Variants in HIF1A observed in about 807,000 individuals in gnomAD.
The protein encoded by HIF1A is hypoxia-inducible factor 1-alpha.
Under a neutral mutation model 92.7 loss-of-function variants are expected in HIF1A, and 24 were observed. The observed-to-expected ratio is 0.26, with a 90% CI of 0.19 to 0.36. HIF1A has a LOEUF of 0.36. HIF1A is among the 10% of genes least tolerant of loss of function. The pLI, the probability that HIF1A is intolerant of heterozygous loss-of-function variation, is 1.00. For synonymous variants in HIF1A, 319 were observed against 338.7 expected (o/e 0.94, Z 0.64); for missense variants, 799 against 998.5 (o/e 0.80, Z 2.69).
rs947079513 is a variant in HIF1A, at chr14:61,697,982, G to A, written c.35+2143G>A. Reference sequence around the variant, plus strand: ...ATGGTTATGATACTGTAGATTTAACGCAGGACATTTCATGTTGTTCCTAGT... The same window carrying A: ...ATGGTTATGATACTGTAGATTTAACACAGGACATTTCATGTTGTTCCTAGT... On this transcript the variant is annotated intron_variant, in intron 1 of 14. Coordinates refer to ENST00000337138, the MANE Select transcript of HIF1A (RefSeq NM_001530.4). 38 of 1,302,534 alleles carry A rather than the reference G, an allele frequency of 2.9e-5. No homozygotes were observed. The Admixed American group carries it at 6.5e-4, about 22-fold the overall frequency. 80.7% of individuals were successfully genotyped at this position (1,302,534 alleles called of 1,614,324 possible). A position where few individuals can be genotyped will look rare whatever the true frequency, so the allele number is the denominator to read the frequency against.
chr14:61,699,574 T>G, intron 1 of HIF1A, among the ~76,000 whole-genome samples: 1 of 152,106 alleles, frequency 6.6e-6, no homozygotes, highest in East Asian at 1.9e-4. Context: ...TGCCTTCTCT[T>G]AGTATATAAT....
intron 6 of HIF1A, among the ~76,000 whole-genome samples, chr14:61,731,308 TC>T (rs1234062761): frequency 6.6e-6 from 1 of 152,180 alleles, no homozygotes; most frequent in African/African-American, 2.4e-5. Flanking sequence ...GTATTTCTGT[TC>T]AGCATGGTAC....
chr14:61,744,621 G>T (rs1047674645), intron 12 of HIF1A, 84 bp from the exon 13 acceptor site: 2 of 567,378 alleles, frequency 3.5e-6, no homozygotes, highest in African/African-American at 1.9e-5. Context: ...GAGAACTAAA[G>T]AATTATGTAT....
In HIF1A at chr14:61,695,853, C is replaced by T. The variant is rs955529147; in HGVS notation, c.35+14C>T. On this transcript the variant is annotated intron_variant, in intron 1 of 14. Transcript: ENST00000337138. ...CGACAAGAAAAAGTAAGCCCATTCC[C>T]TCGGCCCGCCGCCTTCTCCCCCGGC... 6 of 1,566,518 alleles carry T rather than the reference C, an allele frequency of 3.8e-6. No homozygotes were observed. The highest frequency in any genetic ancestry group is 5.2e-6 in the Non-Finnish European group (6 of 1,156,126).
At chr14:61,716,739 CA>C (rs2044368988) in intron 1 of HIF1A, among the ~76,000 whole-genome samples, 1 of 151,998 alleles carries the variant, frequency 6.6e-6, no homozygotes, top group Non-Finnish European at 1.5e-5. Flanking sequence ...AAGACGGGCT[CA>C]AAATTATTTT....
intron 1 of HIF1A, among the ~76,000 whole-genome samples, chr14:61,705,974 T>A (rs1262873749): frequency 6.6e-6 from 1 of 151,918 alleles, no homozygotes; most frequent in Non-Finnish European, 1.5e-5. Flanking sequence ...TCCTGTTATG[T>A]AAGTACTTTA....
At chr14:61,713,119 T>C (rs1205181008) in intron 1 of HIF1A, among the ~76,000 whole-genome samples, 1 of 152,062 alleles carries the variant, frequency 6.6e-6, no homozygotes, top group African/African-American at 2.4e-5. Context: ...GTAACTGCAG[T>C]GTGGCTGAAG....
intron 7 of HIF1A, among the ~76,000 whole-genome samples, chr14:61,733,800 T>C (rs966824): frequency 0.89 from 134,717 of 152,192 alleles, 60,500 homozygotes; most frequent in Non-Finnish European, 0.96. Context: ...GAAGTTATTG[T>C]GGCACCATTT....
At chr14:61,731,446 T>A (rs1446675732) in intron 6 of HIF1A, among the ~76,000 whole-genome samples, 1 of 152,208 alleles carries the variant, frequency 6.6e-6, no homozygotes, top group African/African-American at 2.4e-5. Context: ...GGTAATTGGA[T>A]TGTTTTCCAA....
intron 10 of HIF1A, 79 bp from the exon 11 acceptor site, chr14:61,740,426 A>C: frequency 9.5e-7 from 1 of 1,054,666 alleles, no homozygotes; most frequent in Non-Finnish European, 1.4e-6. Context: ...TTTTTCTGAG[A>C]TCTAGTTTGA....
intron 1 of HIF1A, among the ~76,000 whole-genome samples, chr14:61,703,644 A>C (rs78069091): frequency 2.0e-5 from 3 of 151,544 alleles, no homozygotes; most frequent in East Asian, 1.9e-4. Context: ...AGTAAAAAAA[A>C]CTCCCTCTCT....
At chr14:61,745,970 T>C (rs1024862220) in intron 14 of HIF1A, among the ~76,000 whole-genome samples, 153 bp downstream of exon 14, 2 of 152,164 alleles carry the variant, frequency 1.3e-5, no homozygotes, top group African/African-American at 2.4e-5. Context: ...ACACCTGTAA[T>C]CCCAGCACTT....
rs770277757 is a variant in HIF1A, at chr14:61,726,736, C to T, written c.488C>T (p.Thr163Ile). 7.5e-6 allele frequency: 12 copies of T among 1,608,038 alleles called. No homozygotes were observed. In the East Asian group the frequency reaches 2.7e-4, roughly 36 times the overall value. The change falls in exon 5 of 15, where the codon ACA becomes ATA. Residue 163 changes from threonine (T) to isoleucine (I), a missense_variant. By Grantham distance (89) the Thr-to-Ile change is moderately conservative. This residue lies in a region of HIF1A where 516 missense variants were observed against 721.0 expected (regional missense o/e 0.72). Transcript: ENST00000337138. Reference protein sequence around the residue: ...GLVKKGKEQNTQRSFFLRMKC... With the variant: ...GLVKKGKEQNIQRSFFLRMKC... Reference sequence around the variant, plus strand: ...GTGAAAAAGGGTAAAGAACAAAACACACAGCGAAGCTTTTTTCTCAGAATG... The same window carrying T: ...GTGAAAAAGGGTAAAGAACAAAACATACAGCGAAGCTTTTTTCTCAGAATG...
intron 4 of HIF1A, among the ~76,000 whole-genome samples, chr14:61,725,490 C>T (rs2044492993): frequency 6.6e-6 from 1 of 152,094 alleles, no homozygotes. Context: ...TCTCAGTTCA[C>T]TACAACCTCT....
rs113926905 is a variant in HIF1A, at chr14:61,706,413, C to T, written c.35+10574C>T. Among the ~76,000 whole-genome samples the T allele has an allele frequency of 5.9e-3, 895 of 152,322 alleles. 13 individuals are homozygous for T. The highest frequency in any genetic ancestry group is 0.02 in the African/African-American group (834 of 41,578). ...TTAAGGCAAAGTTTTACTAAACGCA[C>T]ACTTGTTCTTGCTGGCTTATTGACT... On this transcript the variant is annotated intron_variant, in intron 1 of 14. Coordinates refer to ENST00000337138, the MANE Select transcript of HIF1A (RefSeq NM_001530.4).
intron 10 of HIF1A, 192 bp from the exon 11 acceptor site, chr14:61,740,313 C>T (rs1407739889): frequency 4.9e-6 from 2 of 410,208 alleles, no homozygotes; most frequent in Non-Finnish European, 8.7e-6. Context: ...TATCCCTCCA[C>T]CTTGGCTTCC....
intron 9 of HIF1A, 57 bp from the exon 10 acceptor site, chr14:61,738,030 T>C: frequency 8.1e-7 from 1 of 1,231,974 alleles, no homozygotes; most frequent in South Asian, 1.5e-5. Flanking sequence ...CTGTCTTGGG[T>C]AAAAAAAAAA....
chr14:61,729,531 G>T (rs1170479391), intron 6 of HIF1A, among the ~76,000 whole-genome samples: 1 of 151,690 alleles, frequency 6.6e-6, no homozygotes, highest in Non-Finnish European at 1.5e-5. Context: ...TCCATTGAGT[G>T]CCTAGTACAG....
At chr14:61,723,645 G>A (rs916671359) in intron 4 of HIF1A, among the ~76,000 whole-genome samples, 8 of 152,186 alleles carry the variant, frequency 5.3e-5, no homozygotes, top group Non-Finnish European at 1.0e-4. Flanking sequence ...TTGTCAATGA[G>A]TTTAATATAT....
Sources: allele counts gnomAD v4.1 joint callset (sites outside exome capture counted in the v4.1 genomes callset), GRCh38; gene constraint gnomAD v4.1.1; regional missense constraint gnomAD v4.1.1; transcripts MANE v1.5; gene names NCBI Gene and HGNC (gene_info 2026-07-23, HGNC 2026-07-21).